SGSM1: variants seen among roughly 807,000 people sequenced by gnomAD.
SGSM1 encodes RUN and TBC1 domain containing 2.
In SGSM1, 73 loss-of-function variants were observed where a neutral mutation model predicts 133.8. That is an observed-to-expected ratio of 0.55 (90% confidence interval 0.45 to 0.66). The LOEUF is 0.66. Ranked by LOEUF, SGSM1 falls within the 30% of genes least tolerant of loss-of-function variation. The pLI, the probability that SGSM1 is intolerant of heterozygous loss-of-function variation, is 0.00. For synonymous variants in SGSM1, 563 were observed against 573.0 expected (o/e 0.98, Z 0.25); for missense variants, 1,213 against 1,448.1 (o/e 0.84, Z 2.64).
intron 24 of SGSM1, among the ~76,000 whole-genome samples, chr22:24,921,542 T>C (rs1028094727): frequency 3.9e-5 from 6 of 152,188 alleles, no homozygotes; most frequent in Admixed American, 1.3e-4. Context: ...AGCATAAAGA[T>C]TCCCAAATTT....
intron 2 of SGSM1, among the ~76,000 whole-genome samples, chr22:24,830,148 CCAG>C (rs1361009992): frequency 6.6e-6 from 1 of 152,206 alleles, no homozygotes; most frequent in African/African-American, 2.4e-5. Flanking sequence ...TGCTAATTAA[CCAG>C]CCTTTTCAAT....
chr22:24,876,487 G>C, intron 12 of SGSM1, 90 bp from the exon 13 acceptor site: 1 of 1,532,432 alleles, frequency 6.5e-7, no homozygotes, highest in South Asian at 1.2e-5. Context: ...TGGCTGGGGC[G>C]GGTGAGCTGC....
At chr22:24,825,411 A>AG (rs1928741002) in intron 2 of SGSM1, among the ~76,000 whole-genome samples, 1 of 151,964 alleles carries the variant, frequency 6.6e-6, no homozygotes, top group African/African-American at 2.4e-5. Flanking sequence ...GTGCTCACTT[A>AG]CTAAGTTATT....
At chr22:24,890,009 T>A (rs899973322) in intron 16 of SGSM1, among the ~76,000 whole-genome samples, 11 of 143,968 alleles carry the variant, frequency 7.6e-5, no homozygotes, top group African/African-American at 2.6e-4. Flanking sequence ...CAGGCTGGAG[T>A]GCAGTGGCGC....
intron 17 of SGSM1, among the ~76,000 whole-genome samples, chr22:24,894,391 C>G (rs975656937): frequency 1.3e-5 from 2 of 151,906 alleles, no homozygotes; most frequent in African/African-American, 4.8e-5. Flanking sequence ...AACTCCCTCT[C>G]AAAAAAAAGT....
intron 5 of SGSM1, 148 bp downstream of exon 5, chr22:24,850,580 A>G: frequency 1.7e-6 from 2 of 1,180,756 alleles, no homozygotes; most frequent in Non-Finnish European, 1.2e-6. Context: ...AAACTTGGGT[A>G]GATTCAAGAG....
intron 18 of SGSM1, among the ~76,000 whole-genome samples, chr22:24,897,267 C>G (rs1045411904): frequency 6.6e-6 from 1 of 151,928 alleles, no homozygotes. Context: ...GTAATCCCAG[C>G]TACTCGGGAG....
chr22:24,859,452 G>C (rs762741321), intron 8 of SGSM1, among the ~76,000 whole-genome samples: 1 of 152,208 alleles, frequency 6.6e-6, no homozygotes, highest in Non-Finnish European at 1.5e-5. Flanking sequence ...GAGCTCAGGA[G>C]GAAGTCAGAG....
chr22:24,862,099 C>T (rs1205934674), intron 9 of SGSM1, among the ~76,000 whole-genome samples: 1 of 151,936 alleles, frequency 6.6e-6, no homozygotes, highest in Admixed American at 6.6e-5. Flanking sequence ...GGATTACAGG[C>T]ATGCACCACC....
At chr22:24,808,248 A>G (rs545670494) in intron 2 of SGSM1, among the ~76,000 whole-genome samples, 1 of 151,914 alleles carries the variant, frequency 6.6e-6, no homozygotes, top group East Asian at 1.9e-4. Context: ...CAAGTAGCTG[A>G]GACTACAGGA....
At position 24,897,655 on chromosome 22, in the gene SGSM1, G is replaced by T. The variant is rs537345889; in HGVS notation, c.2023-317G>T. On this transcript the variant is annotated intron_variant, in intron 18 of 24. Coordinates refer to ENST00000400358, the MANE Select transcript of SGSM1 (RefSeq NM_001098497.3). ...GCTAATTTTTTGTATTTTTTGCAGA[G>T]ACCAGGTTTCACCGTGTTGCCCAGG... 1.4e-4 allele frequency among the ~76,000 whole-genome samples: 21 copies of T among 152,192 alleles called. 1 individual carries two copies. The highest frequency in any genetic ancestry group is 5.1e-4 in the African/African-American group (21 of 41,520).
At chr22:24,904,128 A>G (rs1933274135) in intron 20 of SGSM1, among the ~76,000 whole-genome samples, 1 of 152,038 alleles carries the variant, frequency 6.6e-6, no homozygotes. Context: ...GGGACATGTC[A>G]TTTACCTGTC....
Position 24,806,311 on chromosome 22 carries a change from G to T in SGSM1, c.-15G>T. 1 of 1,443,858 alleles carries T rather than the reference G, an allele frequency of 6.9e-7. No homozygotes were observed. Among genetic ancestry groups the T allele is most frequent in the Non-Finnish European group, 9.1e-7 (1 of 1,101,710 alleles). The allele number at this position is 1,443,858 out of a possible 1,614,324, so 89.4% of individuals were successfully genotyped here. A position where few individuals can be genotyped will look rare whatever the true frequency, so the allele number is the denominator to read the frequency against. ...GCCACCGCCTCCTGGGACTCGGAACGCAGCGCTCGGAGCCATGGCCTCGGC... is the reference window on the plus strand; with the variant it reads ...GCCACCGCCTCCTGGGACTCGGAACTCAGCGCTCGGAGCCATGGCCTCGGC... On this transcript the variant is annotated 5_prime_UTR_variant, in exon 1 of 25. Transcript: ENST00000400358.
chr22:24,917,866 G>C lies in SGSM1; in HGVS notation c.3025+112G>C, dbSNP rs866875659. ...GGTTGGCAACAGAGGCAGCAGAGGA[G>C]AGAAGCACATGTTTATGGAGTCCAG... On this transcript the variant is annotated intron_variant, in intron 23 of 24. Coordinates refer to ENST00000400358, the MANE Select transcript of SGSM1 (RefSeq NM_001098497.3). The C allele has an allele frequency of 5.0e-5, 38 of 767,182 alleles. No homozygotes were observed. The African/African-American group carries it at 5.7e-4, about 12-fold the overall frequency. The allele number at this position is 767,182 out of a possible 1,614,324, so 47.5% of individuals were successfully genotyped here. A position where few individuals can be genotyped will look rare whatever the true frequency, so the allele number is the denominator to read the frequency against.
chr22:24,850,847 C>T (rs1249646430), intron 5 of SGSM1, among the ~76,000 whole-genome samples: 3 of 152,218 alleles, frequency 2.0e-5, no homozygotes, highest in South Asian at 2.1e-4. Flanking sequence ...CCTGTAATCC[C>T]AGCACTTTGG....
intron 23 of SGSM1, among the ~76,000 whole-genome samples, chr22:24,919,071 T>A: frequency 8.2e-6 from 1 of 121,326 alleles, no homozygotes; most frequent in Admixed American, 9.5e-5. Flanking sequence ...TTTTTCGAGA[T>A]GAAGTCTGGC....
At chr22:24,912,791 G>A (rs765446207) in intron 22 of SGSM1, 39 bp downstream of exon 22, 3 of 1,480,064 alleles carry the variant, frequency 2.0e-6, no homozygotes, top group Non-Finnish European at 9.3e-7. Flanking sequence ...GACTTTTTTG[G>A]GAAACAGTTA....
At chr22:24,881,822 A>G (rs1307059207) in intron 14 of SGSM1, among the ~76,000 whole-genome samples, 1 of 152,206 alleles carries the variant, frequency 6.6e-6, no homozygotes, top group African/African-American at 2.4e-5. Context: ...TTGGAGAGCC[A>G]GAAGGAAGGG....
At chr22:24,860,758 G>T (rs1055674151) in intron 9 of SGSM1, among the ~76,000 whole-genome samples, 15 of 150,616 alleles carry the variant, frequency 1.0e-4, no homozygotes, top group Admixed American at 9.9e-4. Flanking sequence ...AAAATTGCCA[G>T]GCATGGTGGC....
Sources: allele counts gnomAD v4.1 joint callset (sites outside exome capture counted in the v4.1 genomes callset), GRCh38; gene constraint gnomAD v4.1.1; transcripts MANE v1.5; gene names NCBI Gene and HGNC (gene_info 2026-07-23, HGNC 2026-07-21).